Variants in TEAD1 observed in about 807,000 individuals in gnomAD.
TEAD1 encodes the protein TEA domain transcription factor 1.
TEAD1 carries 9 observed loss-of-function variants against 54.9 expected under a neutral mutation model. The ratio of observed to expected loss-of-function variants is 0.16; its 90% CI spans 0.10 to 0.29. TEAD1 has a LOEUF of 0.29. Among genes scored for constraint, TEAD1 ranks in the 10% least tolerant of loss-of-function variants. The pLI is 1.00. For synonymous variants in TEAD1, 200 were observed against 187.8 expected, an observed-to-expected ratio of 1.07 and a Z score of -0.53; for missense variants, 387 against 535.9, an observed-to-expected ratio of 0.72 and a Z score of 2.74.
chr11:12,910,403 A>G (rs1037440693), intron 10 of TEAD1, among the ~76,000 whole-genome samples: 28 of 152,222 alleles, frequency 1.8e-4, no homozygotes, highest in African/African-American at 6.8e-4. Context: ...AGAAAGCTGT[A>G]TGCTTTTAAC....
chr11:12,797,779 C>T (rs979372275), intron 3 of TEAD1, among the ~76,000 whole-genome samples: 7 of 152,246 alleles, frequency 4.6e-5, no homozygotes, highest in Non-Finnish European at 1.0e-4. Flanking sequence ...TCCAACTTCT[C>T]TTGTTTTCTG....
At chr11:12,785,161 A>G (rs1945652345) in intron 3 of TEAD1, among the ~76,000 whole-genome samples, 1 of 152,118 alleles carries the variant, frequency 6.6e-6, no homozygotes, top group Admixed American at 6.5e-5. Flanking sequence ...GCCGTGGGGA[A>G]CGTGTGGGCC....
intron 2 of TEAD1, among the ~76,000 whole-genome samples, chr11:12,736,307 G>T (rs1055506164): frequency 2.6e-5 from 4 of 152,030 alleles, no homozygotes; most frequent in Admixed American, 6.6e-5. Flanking sequence ...GTTTTGTTTT[G>T]TTTTTGTCAT....
chr11:12,898,854 C>T (rs1034676250), intron 9 of TEAD1, among the ~76,000 whole-genome samples: 8 of 152,218 alleles, frequency 5.3e-5, no homozygotes, highest in African/African-American at 9.7e-5. Flanking sequence ...CCAAGGCTTT[C>T]GTGCTTTACA....
intron 3 of TEAD1, among the ~76,000 whole-genome samples, chr11:12,853,806 C>T (rs748254426): frequency 2.0e-5 from 3 of 152,102 alleles, no homozygotes; most frequent in South Asian, 2.1e-4. Context: ...TATCAGCTGC[C>T]GTTGACTGAT....
intron 3 of TEAD1, among the ~76,000 whole-genome samples, chr11:12,834,077 C>T (rs1946834161): frequency 6.6e-6 from 1 of 152,184 alleles, no homozygotes; most frequent in South Asian, 2.1e-4. Context: ...TGACTTGGAT[C>T]AAACTAGATG....
intron 10 of TEAD1, among the ~76,000 whole-genome samples, chr11:12,919,981 C>G (rs918296905): frequency 2.6e-5 from 4 of 152,088 alleles, no homozygotes; most frequent in African/African-American, 9.7e-5. Flanking sequence ...GCTCCTTGTT[C>G]CAGTGGTTAA....
intron 3 of TEAD1, among the ~76,000 whole-genome samples, chr11:12,830,042 A>G (rs561232773): frequency 2.6e-4 from 39 of 152,146 alleles, no homozygotes; most frequent in Non-Finnish European, 4.7e-4. Context: ...GAACAGGTGC[A>G]TGGACACAGA....
chr11:12,735,871 C>A (rs1420700800), intron 2 of TEAD1, among the ~76,000 whole-genome samples: 10 of 152,184 alleles, frequency 6.6e-5, no homozygotes, highest in Non-Finnish European at 1.0e-4. Context: ...AAGTTGGCTG[C>A]ATGCTTGTTT....
chr11:12,928,943 T>C (rs1015138905), intron 11 of TEAD1, among the ~76,000 whole-genome samples: 2 of 152,130 alleles, frequency 1.3e-5, no homozygotes, highest in African/African-American at 2.4e-5. Flanking sequence ...AGTCACCATG[T>C]TGTACAGTAG....
At chr11:12,782,719 A>C (rs1298002775) in intron 3 of TEAD1, among the ~76,000 whole-genome samples, 1 of 152,218 alleles carries the variant, frequency 6.6e-6, no homozygotes, top group African/African-American at 2.4e-5. Flanking sequence ...TACCAATGTA[A>C]TAGTAACTCT....
At chr11:12,808,390 T>C (rs1371399122) in intron 3 of TEAD1, among the ~76,000 whole-genome samples, 1 of 152,162 alleles carries the variant, frequency 6.6e-6, no homozygotes, top group East Asian at 1.9e-4. Context: ...TGCACCACCA[T>C]GATGTAAGGG....
At chr11:12,677,085 C>G (rs1943110480) in intron 2 of TEAD1, among the ~76,000 whole-genome samples, 1 of 152,038 alleles carries the variant, frequency 6.6e-6, no homozygotes, top group South Asian at 2.1e-4. Flanking sequence ...AATTCCTCCT[C>G]TGTGTGATCC....
At chr11:12,887,141 G>T (rs1188229931) in intron 9 of TEAD1, among the ~76,000 whole-genome samples, 1 of 145,690 alleles carries the variant, frequency 6.9e-6, no homozygotes, top group Non-Finnish European at 1.5e-5. Context: ...CTGTCACTCA[G>T]GCTGGAGTGC....
At chr11:12,892,542 G>A (rs1468870584) in intron 9 of TEAD1, among the ~76,000 whole-genome samples, 3 of 152,214 alleles carry the variant, frequency 2.0e-5, no homozygotes, top group Admixed American at 1.3e-4. Flanking sequence ...TACTCGGGAG[G>A]CTGAGGCAGG....
intron 3 of TEAD1, among the ~76,000 whole-genome samples, chr11:12,834,051 T>A (rs1325179626): frequency 6.6e-6 from 1 of 152,198 alleles, no homozygotes; most frequent in Admixed American, 6.5e-5. Context: ...AATTTAAGAT[T>A]TGAATCCGAG....
At chr11:12,773,225 T>C (rs1945348380) in intron 3 of TEAD1, among the ~76,000 whole-genome samples, 1 of 152,238 alleles carries the variant, frequency 6.6e-6, no homozygotes, top group South Asian at 2.1e-4. Flanking sequence ...TCAAATCCAC[T>C]GTGAACATAC....
intron 3 of TEAD1, among the ~76,000 whole-genome samples, chr11:12,819,416 A>ATGTG (rs142706778): frequency 1.3e-5 from 2 of 151,708 alleles, no homozygotes; most frequent in East Asian, 3.9e-4. Context: ...ATGCACTTGT[A>ATGTG]TGTGTGTGTG....
Position 12,938,239 on chromosome 11 carries a change from A to G in TEAD1, c.*1017A>G, listed in dbSNP as rs1949128084. On this transcript the variant is annotated 3_prime_UTR_variant, in exon 13 of 13. Transcript: ENST00000527636. ...TACGGAATACTGCACTGTGAGATGC[A>G]AAGTATACAGAATCTGTGGCTGGGA... 2 of 152,646 alleles carry G rather than the reference A, an allele frequency of 1.3e-5. No homozygotes were observed. The highest frequency in any genetic ancestry group is 4.8e-5 in the African/African-American group (2 of 41,458). The allele number at this position is 152,646 out of a possible 1,614,324, so 9.5% of individuals were successfully genotyped here. A position where few individuals can be genotyped will look rare whatever the true frequency, so the allele number is the denominator to read the frequency against.
Sources: allele counts gnomAD v4.1 joint callset (sites outside exome capture counted in the v4.1 genomes callset), GRCh38; gene constraint gnomAD v4.1.1; transcripts MANE v1.5; gene names NCBI Gene and HGNC (gene_info 2026-07-23, HGNC 2026-07-21).